The following PDE1C variants were observed in gnomAD, a reference collection of about 807,000 sequenced individuals.
PDE1C encodes phosphodiesterase 1C, also known as dual specificity calcium/calmodulin-dependent 3',5'-cyclic nucleotide phosphodiesterase 1C.
In PDE1C, 62 loss-of-function variants were observed where a neutral mutation model predicts 93.1. The observed-to-expected ratio is 0.67, with a 90% confidence interval of 0.54 to 0.82. PDE1C has a LOEUF of 0.82. Among genes scored for constraint, PDE1C ranks in the 40% least tolerant of loss-of-function variants. The pLI is 0.00. For synonymous variants in PDE1C, 325 were observed against 310.1 expected (o/e 1.05, Z -0.50); for missense variants, 742 against 884.6 (o/e 0.84, Z 2.04).
rs373463473 is a variant in PDE1C, at chr7:32,162,774, C to A, written c.308+7011G>T. ...CCCACACACAAGCTAGGAGGCCATG[C>A]GTCAAGTTCACTTTCTGTGATCAGA... On this transcript the variant is annotated intron_variant, in intron 3 of 18. Transcript: ENST00000396193. Among the ~76,000 whole-genome samples, 10 of 152,144 alleles carry A rather than the reference C, an allele frequency of 6.6e-5. 3 individuals are homozygous for A.
At chr7:32,149,332 G>C (rs137967267) in intron 3 of PDE1C, among the ~76,000 whole-genome samples, 82 of 152,326 alleles carry the variant, frequency 5.4e-4, no homozygotes, top group African/African-American at 1.8e-3. Context: ...AAGTGAAGGA[G>C]GGTTGGAACA....
At chr7:32,008,771 T>C (rs914569137) in intron 2 of PDE1C, among the ~76,000 whole-genome samples, 5 of 152,234 alleles carry the variant, frequency 3.3e-5, no homozygotes, top group Non-Finnish European at 5.9e-5. Context: ...TAACAACATA[T>C]GCTTTGCCAT....
chr7:32,083,373 G>C (rs1476525905), intron 3 of PDE1C, among the ~76,000 whole-genome samples: 1 of 152,070 alleles, frequency 6.6e-6, no homozygotes, highest in Non-Finnish European at 1.5e-5. Flanking sequence ...ACCTACGTCT[G>C]ATTGGTGTAC....
intron 2 of PDE1C, among the ~76,000 whole-genome samples, chr7:31,918,315 A>C (rs566382454): frequency 6.6e-6 from 1 of 152,304 alleles, no homozygotes; most frequent in Non-Finnish European, 1.5e-5. Flanking sequence ...CTCACACTAC[A>C]CGAATAAAAT....
the PDE1C span, among the ~76,000 whole-genome samples, chr7:31,669,728 G>T: frequency 6.6e-6 from 1 of 152,274 alleles, no homozygotes; most frequent in Non-Finnish European, 1.5e-5. Flanking sequence ...GAATAGGTAG[G>T]CTTTGTTAGA....
chr7:32,154,291 A>G (rs1305508330), intron 3 of PDE1C, among the ~76,000 whole-genome samples: 1 of 152,166 alleles, frequency 6.6e-6, no homozygotes, highest in Non-Finnish European at 1.5e-5. Flanking sequence ...TTAAAGTTAA[A>G]TAAATAAATA....
At chr7:32,415,049 G>T (rs1205364068) in intron 1 of PDE1C, among the ~76,000 whole-genome samples, 1 of 152,080 alleles carries the variant, frequency 6.6e-6, no homozygotes, top group African/African-American at 2.4e-5. Context: ...TACACTTCTG[G>T]CCAGGCCCAG....
intron 16 of PDE1C, among the ~76,000 whole-genome samples, chr7:31,779,671 A>G (rs1254937447): frequency 6.6e-6 from 1 of 152,198 alleles, no homozygotes; most frequent in Non-Finnish European, 1.5e-5. Flanking sequence ...GATACATAAA[A>G]TAAAACTGGT....
At chr7:31,758,946 C>A (rs1230338619) in intron 17 of PDE1C, among the ~76,000 whole-genome samples, 1 of 152,182 alleles carries the variant, frequency 6.6e-6, no homozygotes, top group Non-Finnish European at 1.5e-5. Flanking sequence ...CAAAGTATTA[C>A]TGAATTTCCC....
intron 2 of PDE1C, among the ~76,000 whole-genome samples, chr7:32,193,487 T>C (rs994108155): frequency 6.6e-6 from 1 of 152,202 alleles, no homozygotes; most frequent in Non-Finnish European, 1.5e-5. Flanking sequence ...CTTGCATCCA[T>C]AGAATTAACC....
chr7:31,707,550 A>T, the PDE1C span: 1 of 402,688 alleles, frequency 2.5e-6, no homozygotes, highest in Non-Finnish European at 4.4e-6. Flanking sequence ...TGAGGAGGTA[A>T]CAGGGAAAGC....
At chr7:31,711,286 T>G in the PDE1C span, among the ~76,000 whole-genome samples, 1 of 152,232 alleles carries the variant, frequency 6.6e-6, no homozygotes, top group Non-Finnish European at 1.5e-5. Context: ...GTATTTTATT[T>G]AAAAGTACTA....
the PDE1C span, among the ~76,000 whole-genome samples, chr7:31,676,582 CAT>C: frequency 6.6e-6 from 1 of 152,046 alleles, no homozygotes; most frequent in East Asian, 1.9e-4. Context: ...AAGGAATACA[CAT>C]ATATGTGTGT....
chr7:32,012,010 CA>C (rs1266023518), intron 2 of PDE1C, among the ~76,000 whole-genome samples: 1 of 152,036 alleles, frequency 6.6e-6, no homozygotes, highest in Non-Finnish European at 1.5e-5. Flanking sequence ...AGGAATGAAC[CA>C]TTGATATATG....
rs1248313105 is a variant in PDE1C, at chr7:32,223,484, T to C, written c.86-13945A>G. On this transcript the variant is annotated intron_variant, in intron 1 of 18. Transcript: ENST00000396193. The stretch of plus-strand genomic sequence containing the variant: ...CAGGGCCTCACTGAATCACTGCCAC[T>C]CTGCCCCTTACAGAGCTCATCGCTT... Among the ~76,000 whole-genome samples, 6 of 152,320 alleles carry C rather than the reference T, an allele frequency of 3.9e-5. 1 individual carries two copies. The highest frequency in any genetic ancestry group is 4.1e-4 in the South Asian group (2 of 4,826).
intron 2 of PDE1C, among the ~76,000 whole-genome samples, chr7:32,030,640 C>T (rs1358030868): frequency 1.3e-5 from 2 of 152,092 alleles, no homozygotes; most frequent in Non-Finnish European, 2.9e-5. Context: ...GAAGGACTTT[C>T]TGATCTTCCC....
At chr7:32,202,051 A>G (rs992707479) in intron 2 of PDE1C, among the ~76,000 whole-genome samples, 1 of 152,204 alleles carries the variant, frequency 6.6e-6, no homozygotes, top group Non-Finnish European at 1.5e-5. Flanking sequence ...CGGAAGCATC[A>G]GGGAGTGCTC....
At chr7:31,982,184 C>T (rs549934970) in intron 2 of PDE1C, among the ~76,000 whole-genome samples, 23 of 152,326 alleles carry the variant, frequency 1.5e-4, no homozygotes, top group African/African-American at 5.3e-4. Context: ...CTCAACTGCA[C>T]CCCTGAGCTG....
the PDE1C span, chr7:31,656,573 G>A: frequency 4.3e-6 from 3 of 696,502 alleles, no homozygotes; most frequent in Admixed American, 6.3e-5. Context: ...ATTACCTACC[G>A]CTTGATGAAT....
Sources: allele counts gnomAD v4.1 joint callset (sites outside exome capture counted in the v4.1 genomes callset), GRCh38; gene constraint gnomAD v4.1.1; transcripts MANE v1.5; gene names NCBI Gene and HGNC (gene_info 2026-07-23, HGNC 2026-07-21).